The following FAM120A variants were observed in gnomAD, a reference collection of about 807,000 sequenced individuals.
FAM120A encodes constitutive coactivator of PPAR-gamma-like protein 1.
Under a neutral mutation model 109.7 loss-of-function variants are expected in FAM120A, and 15 were observed. The ratio of observed to expected loss-of-function variants is 0.14; its 90% CI spans 0.09 to 0.21. The LOEUF (loss-of-function observed/expected upper bound fraction) is 0.21, where lower values mean the gene tolerates loss of function less well. Among genes scored for constraint, FAM120A ranks in the 10% least tolerant of loss-of-function variants. The pLI, the probability that FAM120A is intolerant of heterozygous loss-of-function variation, is 1.00. For missense variants in FAM120A, 899 were observed against 1,439.3 expected, an observed-to-expected ratio of 0.62 and a Z score of 6.07; for synonymous variants, 493 against 572.8, an observed-to-expected ratio of 0.86 and a Z score of 1.99.
intron 7 of FAM120A, among the ~76,000 whole-genome samples, chr9:93,526,651 C>T (rs996632853): frequency 2.0e-5 from 3 of 152,164 alleles, no homozygotes; most frequent in African/African-American, 7.2e-5. Flanking sequence ...TTTTCCAGTT[C>T]GAGTCACCTC....
intron 11 of FAM120A, among the ~76,000 whole-genome samples, chr9:93,546,110 A>G (rs543094336): frequency 3.1e-4 from 47 of 152,110 alleles, no homozygotes; most frequent in Admixed American, 9.2e-4. Flanking sequence ...TTTTGTTTTT[A>G]GAGGCTTCTG....
intron 3 of FAM120A, among the ~76,000 whole-genome samples, chr9:93,496,688 T>G (rs1368467277): frequency 6.6e-6 from 1 of 152,184 alleles, no homozygotes; most frequent in Non-Finnish European, 1.5e-5. Context: ...ACAGGCAGCC[T>G]TCATTGAATT....
At chr9:93,549,794 C>T (rs1284968862) in intron 11 of FAM120A, among the ~76,000 whole-genome samples, 2 of 152,184 alleles carry the variant, frequency 1.3e-5, no homozygotes, top group Admixed American at 6.5e-5. Flanking sequence ...GAACTGGGAA[C>T]GTTAGACTTC....
intron 3 of FAM120A, 91 bp from the exon 4 acceptor site, chr9:93,497,380 G>C (rs148211935): frequency 2.0e-6 from 3 of 1,506,028 alleles, no homozygotes; most frequent in Admixed American, 2.0e-5. Flanking sequence ...TTAGATGGTA[G>C]CTCCTTGTTG....
At chr9:93,510,693 G>A (rs1044810341) in intron 5 of FAM120A, among the ~76,000 whole-genome samples, 11 of 144,792 alleles carry the variant, frequency 7.6e-5, no homozygotes, top group African/African-American at 2.7e-4. Context: ...GCCTGGCCTG[G>A]TCTGAACTGC....
intron 2 of FAM120A, among the ~76,000 whole-genome samples, chr9:93,471,961 G>C (rs1273351849): frequency 6.6e-6 from 1 of 152,136 alleles, no homozygotes; most frequent in Non-Finnish European, 1.5e-5. Flanking sequence ...TATGACATTA[G>C]ATTTTAATTT....
At chr9:93,482,426 C>CGCAAT (rs1478724891) in intron 3 of FAM120A, among the ~76,000 whole-genome samples, 4 of 152,050 alleles carry the variant, frequency 2.6e-5, no homozygotes, top group Non-Finnish European at 4.4e-5. Context: ...CCTGAGCTCA[C>CGCAAT]GCAATCCGCC....
intron 1 of FAM120A, among the ~76,000 whole-genome samples, chr9:93,465,182 C>A (rs1029860092): frequency 6.6e-6 from 1 of 152,224 alleles, no homozygotes; most frequent in African/African-American, 2.4e-5. Flanking sequence ...TATTTTGATG[C>A]AACCCAGAAT....
intron 11 of FAM120A, among the ~76,000 whole-genome samples, chr9:93,549,471 A>T (rs1862018958): frequency 6.6e-6 from 1 of 152,202 alleles, no homozygotes; most frequent in African/African-American, 2.4e-5. Context: ...TTCAACTGAA[A>T]ATATATCTCA....
chr9:93,493,790 G>A (rs952727698), intron 3 of FAM120A, among the ~76,000 whole-genome samples: 7 of 152,200 alleles, frequency 4.6e-5, no homozygotes, highest in Admixed American at 1.3e-4. Context: ...AGTCCCAGGA[G>A]CCAAAGGGCC....
At chr9:93,518,801 G>T (rs1036586255) in intron 7 of FAM120A, among the ~76,000 whole-genome samples, 1 of 152,236 alleles carries the variant, frequency 6.6e-6, no homozygotes, top group African/African-American at 2.4e-5. Flanking sequence ...AGCTGGATGT[G>T]TTCTACGTGC....
At chr9:93,519,988 ACCTTAGCATGTT>A (rs1318661162) in intron 7 of FAM120A, among the ~76,000 whole-genome samples, 3 of 152,004 alleles carry the variant, frequency 2.0e-5, no homozygotes, top group African/African-American at 7.2e-5. Flanking sequence ...TGATCCTCAC[ACCTTAGCATGTT>A]CCACCTGAGA....
At chr9:93,495,930 A>C (rs1175942319) in intron 3 of FAM120A, among the ~76,000 whole-genome samples, 1 of 152,266 alleles carries the variant, frequency 6.6e-6, no homozygotes, top group Non-Finnish European at 1.5e-5. Context: ...TTATCAACTA[A>C]GCTTATGTCC....
At chr9:93,541,372 A>T (rs894791203) in intron 10 of FAM120A, among the ~76,000 whole-genome samples, 1 of 151,946 alleles carries the variant, frequency 6.6e-6, no homozygotes, top group African/African-American at 2.4e-5. Context: ...GTATGTTCCG[A>T]GTCTACTTCT....
At chr9:93,534,694 G>A (rs1374552858) in intron 10 of FAM120A, among the ~76,000 whole-genome samples, 1 of 152,174 alleles carries the variant, frequency 6.6e-6, no homozygotes, top group Non-Finnish European at 1.5e-5. Context: ...TTTGGCCAAT[G>A]GGGAGGATTT....
At chr9:93,480,361 TTGGGA>T in intron 3 of FAM120A, among the ~76,000 whole-genome samples, 1 of 152,140 alleles carries the variant, frequency 6.6e-6, no homozygotes, top group East Asian at 1.9e-4. Flanking sequence ...AGACCTGCTG[TTGGGA>T]TTCCTTGCTG....
intron 1 of FAM120A, among the ~76,000 whole-genome samples, chr9:93,455,668 C>CT (rs947667637): frequency 8.3e-4 from 120 of 145,262 alleles, no homozygotes; most frequent in African/African-American, 1.0e-3. Flanking sequence ...TTAGAGAAAT[C>CT]TTTTTTTTTT....
chr9:93,529,375 C>T lies in FAM120A; in HGVS notation c.1529C>T (p.Ser510Phe), dbSNP rs200864978. Residue 510 changes from serine to phenylalanine, a missense_variant, in exon 9 of 18, where the codon TCT (serine) becomes TTT (phenylalanine). Coordinates refer to ENST00000277165, the MANE Select transcript of FAM120A (RefSeq NM_014612.5). ...TAGGCAGAAGGCTCGTCCACTGCCT[C>T]TTCAGGAAGCCAACTAGCCGAAGGC... ...QTKAEGSSTASSGSQLAEGKG... is the reference protein window; with the variant it reads ...QTKAEGSSTAFSGSQLAEGKG... 2 of 1,610,532 alleles carry T rather than the reference C, an allele frequency of 1.2e-6. No homozygotes were observed. Among genetic ancestry groups the T allele is most frequent in the East Asian group, 4.5e-5 (2 of 44,884 alleles).
At chr9:93,512,934 AGTTT>A (rs1438863769) in intron 5 of FAM120A, among the ~76,000 whole-genome samples, 5 of 152,230 alleles carry the variant, frequency 3.3e-5, no homozygotes, top group Non-Finnish European at 7.3e-5. Context: ...GCTGTAATGT[AGTTT>A]GTTTGTTTGC....
Sources: allele counts gnomAD v4.1 joint callset (sites outside exome capture counted in the v4.1 genomes callset), GRCh38; gene constraint gnomAD v4.1.1; transcripts MANE v1.5; gene names NCBI Gene and HGNC (gene_info 2026-07-23, HGNC 2026-07-21).